The following HRNR variants were observed in gnomAD, a reference collection of about 807,000 sequenced individuals.
The protein encoded by HRNR is hornerin.
A neutral mutation model predicts 4.8 loss-of-function variants in HRNR; 7 were observed. The observed-to-expected ratio is 1.47, with a 90% CI of 0.83 to 2.75. HRNR has a LOEUF of 2.75. HRNR is among the 30% of genes most tolerant of loss of function. The probability of loss-of-function intolerance (pLI) is 0.00; values close to 1 mark genes in which losing one functional copy is unlikely to be tolerated. For missense variants in HRNR, 2,879 were observed against 3,010.4 expected (o/e 0.96, Z 1.02); for synonymous variants, 1,023 against 1,242.7 (o/e 0.82, Z 3.72).
At position 152,218,355 on chromosome 1, in the gene HRNR, G is replaced by T. The variant is rs780607154; in HGVS notation, c.3274C>A (p.His1092Asn). The T allele has an allele frequency of 6.2e-7, 1 of 1,611,710 alleles. No individual in the cohort carries two copies. Among genetic ancestry groups the T allele is most frequent in the Non-Finnish European group, 8.5e-7 (1 of 1,179,788 alleles). ...GAAGACTGACCTGAGCTAGCTCCAT[G>T]TTGGCCACAGCTCGATGACTGTCCT... ...TSGQSSSCGQ[H>N]GASSGQSSSH... Residue 1092 changes from histidine to asparagine, a missense_variant, in exon 3 of 3, where the codon CAT (histidine) becomes AAT (asparagine). Transcript: ENST00000368801.
In HRNR at chr1:152,218,843, G is replaced by A. The variant is rs761444599; in HGVS notation, c.2786C>T (p.Ser929Phe). 6 of 1,613,856 alleles carry A rather than the reference G, an allele frequency of 3.7e-6. No individual in the cohort carries two copies. The highest frequency in any genetic ancestry group is 5.1e-6 in the Non-Finnish European group (6 of 1,180,014). The change falls in exon 3 of 3, where the codon TCT (serine) becomes TTT (phenylalanine). Residue 929 changes from serine to phenylalanine, a missense_variant. This residue lies in a region of HRNR where 2,646 missense variants were observed against 1,377.7 expected (regional missense o/e 1.92). Transcript: ENST00000368801. ...SGRHGSGSGQ[S>F]SGFGHKSSSG... The stretch of plus-strand genomic sequence containing the variant: ...GCTAGACTTGTGACCAAAGCCAGAA[G>A]ACTGGCCTGAGCCAGACCCATGTCG...
In HRNR at chr1:152,213,522, G is replaced by A. The variant is rs200864287; in HGVS notation, c.8107C>T (p.His2703Tyr). Residue 2703 changes from histidine (H) to tyrosine (Y), a missense_variant, in exon 3 of 3, where the codon CAT becomes TAT. Transcript: ENST00000368801. ...VFGQHESGSG[H>Y]SSAYSQHGSG... Reference sequence around the variant, plus strand: ...CCATGCTGACTGTAAGCAGAGGAATGTCCTGAGCCAGACTCATGTTGACCA... The same window carrying A: ...CCATGCTGACTGTAAGCAGAGGAATATCCTGAGCCAGACTCATGTTGACCA... 2.2e-6 allele frequency: 3 copies of A among 1,357,412 alleles called. No individual in the cohort carries two copies. The highest frequency in any genetic ancestry group is 3.1e-6 in the Non-Finnish European group (3 of 977,398). The allele number at this position is 1,357,412 out of a possible 1,614,324, so 84.1% of individuals were successfully genotyped here.
In HRNR at chr1:152,218,929, T is replaced by A; in HGVS notation, c.2700A>T (p.Ser900=). 1 of 1,612,420 alleles carries A rather than the reference T, an allele frequency of 6.2e-7. No individual in the cohort carries two copies. The highest frequency in any genetic ancestry group is 8.5e-7 in the Non-Finnish European group (1 of 1,179,606). Residue 900 remains serine (S), a synonymous_variant, in exon 3 of 3, where the codon TCA becomes TCT. Coordinates refer to ENST00000368801, the MANE Select transcript of HRNR (RefSeq NM_001009931.3). ...GTCGGCCATAGCTGGGAGACTGCCC[T>A]GACCCAGACCCACGCTGGCCGTGGC... The part of the protein sequence containing the change: ...SPGHGQRGSG[S]GQSPSYGRHG...
rs6587654 is a variant in HRNR at position 152,221,551 on chromosome 1, G to A, written c.139-61C>T. On this transcript the variant is annotated intron_variant, in intron 2 of 2. Coordinates refer to ENST00000368801, the MANE Select transcript of HRNR (RefSeq NM_001009931.3). Reference sequence around the variant, plus strand: ...AGTATGGACAATACATCTGGCTAACGAACTGAAGGAAAGATGTGAAAATGT... The same window carrying A: ...AGTATGGACAATACATCTGGCTAACAAACTGAAGGAAAGATGTGAAAATGT... 4,867 of 1,236,264 alleles carry A rather than the reference G, an allele frequency of 3.9e-3. 146 individuals carry two copies. The African/African-American group carries it at 0.065, about 17-fold the overall frequency. The allele number at this position is 1,236,264 out of a possible 1,614,324, so 76.6% of individuals were successfully genotyped here.
Position 152,218,766 on chromosome 1 carries a change from A to G in HRNR, c.2863T>C (p.Ser955Pro). 6.2e-7 allele frequency: 1 copy of G among 1,613,896 alleles called. No individual in the cohort carries two copies. Among genetic ancestry groups the G allele is most frequent in the African/African-American group, 1.3e-5 (1 of 74,942 alleles). ...CTAGAGCCGTGTTGTTCGTAGCTGG[A>G]GGAGTGACCTGAGCCAGATCCATGC... The part of the protein sequence containing the change: ...TQHGSGSGHS[S>P]SYEQHGSRSG... The change falls in exon 3 of 3, where the codon TCC (serine) becomes CCC (proline). Residue 955 changes from serine (S) to proline (P), a missense_variant. By Grantham distance (74) the Ser-to-Pro change is moderately conservative (BLOSUM62 -1). This residue lies in a region of HRNR where 2,646 missense variants were observed against 1,377.7 expected (regional missense o/e 1.92). Coordinates refer to ENST00000368801, the MANE Select transcript of HRNR (RefSeq NM_001009931.3).
At position 152,213,257 on chromosome 1, in the gene HRNR, C is replaced by G. The variant is rs757518395; in HGVS notation, c.8372G>C (p.Gly2791Ala). The change falls in exon 3 of 3, where the codon GGC becomes GCC. Residue 2791 changes from glycine to alanine, a missense_variant. Gly to Ala is a moderately conservative substitution (Grantham distance 60). Transcript: ENST00000368801. ...QSSSYGQHGS[G>A]SGQSSGYSQH... Reference sequence around the variant, plus strand: ...ACTATAACCAGAGGACTGTCCTGAGCCAGACCCATGTTGGCCGTAGCTGGA... The same window carrying G: ...ACTATAACCAGAGGACTGTCCTGAGGCAGACCCATGTTGGCCGTAGCTGGA... 4 of 1,606,004 alleles carry G rather than the reference C, an allele frequency of 2.5e-6. No individual in the cohort carries two copies. The highest frequency in any genetic ancestry group is 2.6e-6 in the Non-Finnish European group (3 of 1,174,718).
chr1:152,223,726 G>A (rs16833896), intron 1 of HRNR, among the ~76,000 whole-genome samples: 2,744 of 152,270 alleles, frequency 0.018, 79 homozygotes, highest in African/African-American at 0.063. Flanking sequence ...AGACTTCTAG[G>A]TCAGAGAAAA....
chr1:152,223,398 T>C (rs543006511), intron 1 of HRNR, 120 bp from the exon 2 acceptor site: 35 of 665,148 alleles, frequency 5.3e-5, no homozygotes, highest in Admixed American at 2.6e-4. Context: ...TTAAATTCAT[T>C]CTGTTGTAAT....
chr1:152,218,930 G>T lies in HRNR; in HGVS notation c.2699C>A (p.Ser900Ter), dbSNP rs1432865922. The change falls in exon 3 of 3, where the codon TCA (serine) becomes TAA (stop). Residue 900 changes from serine to a stop codon, truncating the protein, a stop_gained. Transcript: ENST00000368801. LOFTEE classifies it low-confidence loss of function (END_TRUNC). ...SPGHGQRGSG[S>*]GQSPSYGRHG... The stretch of plus-strand genomic sequence containing the variant: ...TCGGCCATAGCTGGGAGACTGCCCT[G>T]ACCCAGACCCACGCTGGCCGTGGCC... 1.9e-6 allele frequency: 3 copies of T among 1,613,886 alleles called. No homozygotes were observed. The highest frequency in any genetic ancestry group is 2.5e-6 in the Non-Finnish European group (3 of 1,179,972).
Position 152,220,972 on chromosome 1 carries a change from G to A in HRNR, c.657C>T (p.Asp219=). 2 of 1,614,194 alleles carry A rather than the reference G, an allele frequency of 1.2e-6. No homozygotes were observed. The highest frequency in any genetic ancestry group is 1.7e-6 in the Non-Finnish European group (2 of 1,180,036). ...GSGSGQSSSN[D]THGSGSGQSS... is the part of the protein sequence containing the mutation. ...ACTGGCCTGAGCCAGACCCATGTGT[G>A]TCATTGCTGGAAGACTGTCCGGAGC... The change falls in exon 3 of 3, where the codon GAC becomes GAT. Residue 219 remains aspartate (D), a synonymous_variant. Transcript: ENST00000368801.
In HRNR at chr1:152,218,624, C is replaced by G. The variant is rs762808210; in HGVS notation, c.3005G>C (p.Gly1002Ala). ...QSLGHGQHGS[G>A]SGQSPSPSRG... ...GCTAGGGCTAGGAGACTGGCCAGAT[C>G]CAGACCCATGTTGGCCGTGGCCCAA... The change falls in exon 3 of 3, where the codon GGA becomes GCA. Residue 1002 changes from glycine (G) to alanine (A), a missense_variant. Physicochemically the swap from Gly to Ala is moderately conservative, Grantham distance 60. Coordinates refer to ENST00000368801, the MANE Select transcript of HRNR (RefSeq NM_001009931.3). 1.3e-5 allele frequency: 21 copies of G among 1,613,616 alleles called. No homozygotes were observed. The highest frequency in any genetic ancestry group is 2.2e-5 in the East Asian group (1 of 44,820).
intron 2 of HRNR, 31 bp from the exon 3 acceptor site, chr1:152,221,521 C>T (rs370021332): frequency 6.7e-7 from 1 of 1,486,530 alleles, no homozygotes; most frequent in Non-Finnish European, 9.1e-7. Flanking sequence ...AAGAGTAGCT[C>T]TGTTAGTATG....
intron 2 of HRNR, among the ~76,000 whole-genome samples, chr1:152,221,865 C>G (rs1649015014): frequency 6.6e-6 from 1 of 152,076 alleles, no homozygotes; most frequent in Admixed American, 6.5e-5. Context: ...AATTTACTCA[C>G]TGAACAAAGA....
At position 152,223,952 on chromosome 1, in the gene HRNR, A is replaced by G. The variant is rs534479556; in HGVS notation, c.-26+191T>C. The stretch of plus-strand genomic sequence containing the variant: ...TTATAAGGGAAGCGACCTCAAAGAA[A>G]GGAGATAATATACATAGTCCTAGTC... On this transcript the variant is annotated intron_variant, in intron 1 of 2. Coordinates refer to ENST00000368801, the MANE Select transcript of HRNR (RefSeq NM_001009931.3). Among the ~76,000 whole-genome samples the G allele has an allele frequency of 2.0e-5, 3 of 152,344 alleles. No individual in the cohort carries two copies. In the East Asian group the frequency reaches 5.8e-4, roughly 29 times the overall value.
Position 152,220,981 on chromosome 1 carries a change from G to A in HRNR, c.648C>T (p.Ser216=), listed in dbSNP as rs755497165. The change falls in exon 3 of 3, where the codon TCC becomes TCT. Residue 216 remains serine (S), a synonymous_variant. Coordinates refer to ENST00000368801, the MANE Select transcript of HRNR (RefSeq NM_001009931.3). Reference sequence around the variant, plus strand: ...AGCCAGACCCATGTGTGTCATTGCTGGAAGACTGTCCGGAGCCAGAGCCGT... The same window carrying A: ...AGCCAGACCCATGTGTGTCATTGCTAGAAGACTGTCCGGAGCCAGAGCCGT... ...GQHGSGSGQS[S]SNDTHGSGSG... 1.9e-6 allele frequency: 3 copies of A among 1,614,150 alleles called. No homozygotes were observed. Among genetic ancestry groups the A allele is most frequent in the Middle Eastern group, 3.3e-4 (2 of 6,062 alleles).
Position 152,221,180 on chromosome 1 carries a change from G to A in HRNR, c.449C>T (p.Pro150Leu), listed in dbSNP as rs772494407. The A allele has an allele frequency of 2.5e-6, 4 of 1,614,164 alleles. No individual in the cohort carries two copies. The South Asian group carries it at 4.4e-5, about 18-fold the overall frequency. Residue 150 changes from proline (P) to leucine (L), a missense_variant, in exon 3 of 3, where the codon CCT (proline) becomes CTT (leucine). Coordinates refer to ENST00000368801, the MANE Select transcript of HRNR (RefSeq NM_001009931.3). The part of the protein sequence containing the change: ...YSRNVRGSLK[P>L]GTESISRRLS... ...TCTTCTGGATATGGATTCAGTCCCA[G>A]GTTTAAGACTTCCTCTGACGTTTCT...
At position 152,213,312 on chromosome 1, in the gene HRNR, C is replaced by T. The variant is rs745519134; in HGVS notation, c.8317G>A (p.Gly2773Ser). The T allele has an allele frequency of 4.9e-6, 4 of 819,024 alleles. No individual in the cohort carries two copies. Among genetic ancestry groups the T allele is most frequent in the East Asian group, 2.4e-5 (1 of 41,400 alleles). 50.7% of individuals were successfully genotyped at this position (819,024 alleles called of 1,614,324 possible). The change falls in exon 3 of 3, where the codon GGC becomes AGC. Residue 2773 changes from glycine to serine, a missense_variant. By Grantham distance (56) the Gly-to-Ser change is moderately conservative. Coordinates refer to ENST00000368801, the MANE Select transcript of HRNR (RefSeq NM_001009931.3). ...GAGSGQSLSH[G>S]RHGSGSGQSS... is the part of the protein sequence containing the mutation. ...TGCCCTGAACCAGACCCGTGTCGGC[C>T]GTGGCTAAGAGACTGGCCAGATCCA...
rs1422299391 is a variant in HRNR at position 152,223,100 on chromosome 1, G to A, written c.138+16C>T. 1.2e-6 allele frequency: 2 copies of A among 1,611,154 alleles called. No homozygotes were observed. The highest frequency in any genetic ancestry group is 2.7e-5 in the African/African-American group (2 of 74,858). ...GAAAATTCCTGCATAACTCCATCCT[G>A]GCGTGGAGTTCTTACCTTCAGAATT... On this transcript the variant is annotated intron_variant, in intron 2 of 2. Coordinates refer to ENST00000368801, the MANE Select transcript of HRNR (RefSeq NM_001009931.3).
Position 152,218,906 on chromosome 1 carries a change from C to T in HRNR, c.2723G>A (p.Arg908Gln), listed in dbSNP as rs142364075. 76 of 1,612,470 alleles carry T rather than the reference C, an allele frequency of 4.7e-5. No homozygotes were observed. Among genetic ancestry groups the T allele is most frequent in the South Asian group, 2.6e-4 (24 of 90,960 alleles). ...SGSGQSPSYG[R>Q]HGSGSGRSSS... ...AGACCGACCGGAGCCAGACCCATGT[C>T]GGCCATAGCTGGGAGACTGCCCTGA... The change falls in exon 3 of 3, where the codon CGA becomes CAA. Residue 908 changes from arginine (R) to glutamine (Q), a missense_variant. Around this residue, in one of 8 missense-constraint regions of HRNR, gnomAD observed 2,646 missense variants for 1,377.7 expected, o/e 1.92. Transcript: ENST00000368801.
Sources: allele counts gnomAD v4.1 joint callset (sites outside exome capture counted in the v4.1 genomes callset), GRCh38; gene constraint gnomAD v4.1.1; regional missense constraint gnomAD v4.1.1; transcripts MANE v1.5; gene names NCBI Gene and HGNC (gene_info 2026-07-23, HGNC 2026-07-21).